Variants in CMC2 observed in about 807,000 individuals in gnomAD.
CMC2 encodes the protein C-X9-C motif containing 2, also known as COX assembly mitochondrial protein 2 homolog.
In CMC2, 5 loss-of-function variants were observed where a neutral mutation model predicts 7.5. The observed-to-expected ratio is 0.66, with a 90% CI of 0.35 to 1.40. The LOEUF is 1.40. Among genes scored for constraint, CMC2 ranks in the 40% most tolerant of loss-of-function variants. The probability of loss-of-function intolerance (pLI) is 0.04; values close to 1 mark genes in which losing one functional copy is unlikely to be tolerated. For missense variants in CMC2, 115 were observed against 92.3 expected, an observed-to-expected ratio of 1.25 and a Z score of -1.01; for synonymous variants, 37 against 31.4, an observed-to-expected ratio of 1.18 and a Z score of -0.60.
At chr16:81,005,766 A>C (rs183840868) in intron 1 of CMC2, among the ~76,000 whole-genome samples, 123 of 152,312 alleles carry the variant, frequency 8.1e-4, no homozygotes, top group African/African-American at 2.8e-3. Context: ...CCCTGAATAA[A>C]CATTACCAGG....
intron 2 of CMC2, chr16:80,988,624 G>A (rs1293401638): frequency 1.4e-6 from 1 of 699,850 alleles, no homozygotes; most frequent in African/African-American, 1.8e-5. Flanking sequence ...TTAAATTTAA[G>A]TCTCCATACG....
rs745442520 is a variant in CMC2 at position 80,976,195 on chromosome 16, A to C, written c.154-16T>G. 2 of 1,415,350 alleles carry C rather than the reference A, an allele frequency of 1.4e-6. No individual in the cohort carries two copies. The highest frequency in any genetic ancestry group is 3.8e-5 in the Admixed American group (2 of 53,006). The allele number at this position is 1,415,350 out of a possible 1,614,324, so 87.7% of individuals were successfully genotyped here. ...TTTCTACGTACTGAAAAATAAAAGA[A>C]GGGGGGGAGAAAAGAAACAGCAGAT... On this transcript the variant is annotated splice_polypyrimidine_tract_variant and intron_variant, in intron 3 of 3. Coordinates refer to ENST00000219400, the MANE Select transcript of CMC2 (RefSeq NM_020188.5).
chr16:80,990,548 T>C (rs1040335709), intron 2 of CMC2, among the ~76,000 whole-genome samples: 1 of 152,212 alleles, frequency 6.6e-6, no homozygotes, highest in African/African-American at 2.4e-5. Flanking sequence ...ATCAATCTCA[T>C]TAGCTTCTGG....
rs561400706 is a variant in CMC2, at chr16:80,990,203, C to G, written c.81+7111G>C. On this transcript the variant is annotated intron_variant, in intron 2 of 3. Transcript: ENST00000219400. ...TGTTGTTTTTTGAGACACAGTCTCA[C>G]TCTGTCACCCAGGCTAGCGTCCAGT... Among the ~76,000 whole-genome samples the G allele has an allele frequency of 6.7e-4, 101 of 151,110 alleles. 1 individual carries two copies. Among genetic ancestry groups the G allele is most frequent in the African/African-American group, 2.3e-3 (92 of 40,466 alleles).
chr16:80,988,415 G>C (rs1214631444), intron 2 of CMC2: 1 of 612,634 alleles, frequency 1.6e-6, no homozygotes, highest in Non-Finnish European at 2.9e-6. Context: ...AGTATTTCTT[G>C]ATGACAGCAG....
At chr16:80,991,640 C>CA (rs35116527) in intron 2 of CMC2, 2,837 of 177,176 alleles carry the variant, frequency 0.016, no homozygotes, top group South Asian at 0.044. Context: ...ACCCTGTCTC[C>CA]AAAAAAAAAA....
chr16:80,975,925 C>T lies in CMC2; in HGVS notation c.*168G>A, dbSNP rs942758670. On this transcript the variant is annotated 3_prime_UTR_variant, in exon 4 of 4. Coordinates refer to ENST00000219400, the MANE Select transcript of CMC2 (RefSeq NM_020188.5). ...GGGAGACAGTACTAAACGCCCTGCC[C>T]AACAAATACTCAGAATCCAGGGTTT... 4 of 589,220 alleles carry T rather than the reference C, an allele frequency of 6.8e-6. No individual in the cohort carries two copies. Among genetic ancestry groups the T allele is most frequent in the Admixed American group, 6.2e-5 (2 of 32,246 alleles). 36.5% of individuals were successfully genotyped at this position (589,220 alleles called of 1,614,324 possible). A position where few individuals can be genotyped will look rare whatever the true frequency, so the allele number is the denominator to read the frequency against.
chr16:80,992,129 T>C (rs1968049295), intron 2 of CMC2, among the ~76,000 whole-genome samples: 1 of 152,224 alleles, frequency 6.6e-6, no homozygotes, highest in Non-Finnish European at 1.5e-5. Flanking sequence ...GGGAACTCCC[T>C]GTACTGCATT....
intron 2 of CMC2, among the ~76,000 whole-genome samples, chr16:80,987,164 G>A (rs1447289682): frequency 6.6e-6 from 1 of 152,146 alleles, no homozygotes; most frequent in Non-Finnish European, 1.5e-5. Context: ...AAAGAAGAAA[G>A]CAGTATTCTT....
chr16:80,990,460 G>A (rs1436645333), intron 2 of CMC2, among the ~76,000 whole-genome samples: 6 of 151,632 alleles, frequency 4.0e-5, no homozygotes, highest in African/African-American at 1.2e-4. Flanking sequence ...ATGAGCCACC[G>A]CCACCGGCCA....
At position 80,967,026 on chromosome 16, in the gene CMC2, CTTTA is replaced by C. The variant is rs1005809241; in HGVS notation, c.*9063_*9066del. On this transcript the variant is annotated 3_prime_UTR_variant, in exon 4 of 4. Transcript: ENST00000219400. ...TAAAGTCCTTTGGGCTACTTCAACA[CTTTA>C]TTTATTCTTTATTCACTAAAAATTC... The C allele has an allele frequency of 2.0e-5, 3 of 152,306 alleles. No homozygotes were observed. Among genetic ancestry groups the C allele is most frequent in the South Asian group, 2.1e-4 (1 of 4,832 alleles). The allele number at this position is 152,306 out of a possible 1,614,324, so 9.4% of individuals were successfully genotyped here.
In CMC2 at chr16:81,006,765, C is replaced by G. The variant is rs1229822960; in HGVS notation, c.-67G>C. ...CGTGGCCACACCGGGAGAACTGAAG[C>G]GGCAGTAGCCGGCGGAGACGCCCGA... On this transcript the variant is annotated 5_prime_UTR_variant, in exon 1 of 4. Coordinates refer to ENST00000219400, the MANE Select transcript of CMC2 (RefSeq NM_020188.5). The G allele has an allele frequency of 3.0e-6, 3 of 985,572 alleles. No homozygotes were observed. The highest frequency in any genetic ancestry group is 3.6e-6 in the Non-Finnish European group (3 of 830,158). 61.1% of individuals were successfully genotyped at this position (985,572 alleles called of 1,614,324 possible). A position where few individuals can be genotyped will look rare whatever the true frequency, so the allele number is the denominator to read the frequency against.
At chr16:80,985,197 A>G (rs59143415) in intron 2 of CMC2, among the ~76,000 whole-genome samples, 5,584 of 152,264 alleles carry the variant, frequency 0.037, 333 homozygotes, top group African/African-American at 0.12. Flanking sequence ...AGAGACACCG[A>G]GGGGTTCCTG....
At chr16:80,987,048 G>T (rs1967597122) in intron 2 of CMC2, among the ~76,000 whole-genome samples, 1 of 152,220 alleles carries the variant, frequency 6.6e-6, no homozygotes. Context: ...TTGCTGCTGG[G>T]AGAAAAGTGA....
chr16:81,004,927 C>G (rs1299080482), intron 1 of CMC2, among the ~76,000 whole-genome samples: 1 of 152,202 alleles, frequency 6.6e-6, no homozygotes, highest in Non-Finnish European at 1.5e-5. Flanking sequence ...TCTATAATCA[C>G]AAGGAAGAAC....
chr16:80,966,891 T>C lies in CMC2; in HGVS notation c.*9202A>G, dbSNP rs1270895206. On this transcript the variant is annotated 3_prime_UTR_variant, in exon 4 of 4. Coordinates refer to ENST00000219400, the MANE Select transcript of CMC2 (RefSeq NM_020188.5). ...GGTATACCTTTGTGTAAATGCATCA[T>C]TGTTTATTTAACTACTGTCCTATTC... 9.2e-6 allele frequency: 1 copy of C among 108,246 alleles called. No homozygotes were observed. Among genetic ancestry groups the C allele is most frequent in the Non-Finnish European group, 1.8e-5 (1 of 54,372 alleles). 6.7% of individuals were successfully genotyped at this position (108,246 alleles called of 1,614,324 possible).
chr16:80,977,567 C>T (rs1912560544), intron 3 of CMC2, among the ~76,000 whole-genome samples: 2 of 152,156 alleles, frequency 1.3e-5, no homozygotes, highest in Admixed American at 6.5e-5. Context: ...TGATACCGAG[C>T]TCATCAGGGA....
At position 80,969,941 on chromosome 16, in the gene CMC2, G is replaced by A. The variant is rs984736882; in HGVS notation, c.*6152C>T. 5 of 152,164 alleles carry A rather than the reference G, an allele frequency of 3.3e-5. No individual in the cohort carries two copies. Among genetic ancestry groups the A allele is most frequent in the African/African-American group, 1.2e-4 (5 of 41,422 alleles). 9.4% of individuals were successfully genotyped at this position (152,164 alleles called of 1,614,324 possible). A position where few individuals can be genotyped will look rare whatever the true frequency, so the allele number is the denominator to read the frequency against. On this transcript the variant is annotated 3_prime_UTR_variant, in exon 4 of 4. Coordinates refer to ENST00000219400, the MANE Select transcript of CMC2 (RefSeq NM_020188.5). ...TATTGTTCCCATGAGAACTTCCTTA[G>A]GAATCTGCTGGAAAATGAGGCTCAG... is the stretch of plus-strand genomic sequence containing the variant.
rs974707481 is a variant in CMC2, at chr16:80,969,145, C to CT, written c.*6947dup. On this transcript the variant is annotated 3_prime_UTR_variant, in exon 4 of 4. Coordinates refer to ENST00000219400, the MANE Select transcript of CMC2 (RefSeq NM_020188.5). ...TAGTTGTGACTGTGGAAGCAACTAT[C>CT]TTTTTTATGATATAAAAAGGGCAGG... 2 of 152,162 alleles carry CT rather than the reference C, an allele frequency of 1.3e-5. No individual in the cohort carries two copies. Among genetic ancestry groups the CT allele is most frequent in the African/African-American group, 4.8e-5 (2 of 41,424 alleles). 9.4% of individuals were successfully genotyped at this position (152,162 alleles called of 1,614,324 possible). A position where few individuals can be genotyped will look rare whatever the true frequency, so the allele number is the denominator to read the frequency against.
Sources: gnomAD v4.1 joint callset for allele counts (sites outside exome capture counted in the v4.1 genomes callset) on GRCh38, gnomAD v4.1.1 for gene constraint, MANE v1.5 for transcripts, NCBI Gene and HGNC (gene_info 2026-07-23, HGNC 2026-07-21) for gene names.